MAN2B1: variants seen among roughly 807,000 people sequenced by gnomAD.
MAN2B1 encodes the protein lysosomal alpha-mannosidase.
Under a neutral mutation model 127.5 loss-of-function variants are expected in MAN2B1, and 99 were observed. The observed-to-expected ratio is 0.78, with a 90% CI of 0.66 to 0.92. The LOEUF is 0.92. Ranked by LOEUF, MAN2B1 falls within the 40% of genes least tolerant of loss-of-function variation. MAN2B1 has a pLI of 0.00. For missense variants in MAN2B1, 1,304 were observed against 1,384.8 expected (o/e 0.94, Z 0.93); for synonymous variants, 573 against 568.8 (o/e 1.01, Z -0.11).
Position 12,647,663 on chromosome 19 carries a change from G to T in MAN2B1, c.2665-65C>A, listed in dbSNP as rs939442511. 2 of 1,455,172 alleles carry T rather than the reference G, an allele frequency of 1.4e-6. No homozygotes were observed. The highest frequency in any genetic ancestry group is 1.9e-6 in the Non-Finnish European group (2 of 1,066,564). 90.1% of individuals were successfully genotyped at this position (1,455,172 alleles called of 1,614,324 possible). A position where few individuals can be genotyped will look rare whatever the true frequency, so the allele number is the denominator to read the frequency against. ...GGCCTGGATGGAGAAGGGCGGGGCC[G>T]AGCCAGGTCAGGAGGCAGGGCTAGG... On this transcript the variant is annotated intron_variant, in intron 21 of 23. Coordinates refer to ENST00000456935, the MANE Select transcript of MAN2B1 (RefSeq NM_000528.4). This position sits in a 1 kb window ranked among gnomAD's most constrained non-coding sequence, Gnocchi z 4.9.
chr19:12,660,773 T>G (rs2024083979), intron 7 of MAN2B1: 1 of 151,338 alleles, frequency 6.6e-6, no homozygotes, highest in African/African-American at 2.5e-5. Context: ...TTTTTTTTTT[T>G]TTTGAGACAG....
rs546914205 is a variant in MAN2B1, at chr19:12,647,713, G to A, written c.2665-115C>T. On this transcript the variant is annotated intron_variant, in intron 21 of 23. Coordinates refer to ENST00000456935, the MANE Select transcript of MAN2B1 (RefSeq NM_000528.4). This position sits in a 1 kb window ranked among gnomAD's most constrained non-coding sequence, Gnocchi z 4.9. The stretch of plus-strand genomic sequence containing the variant: ...GTTGTAGGGGCGGGGTTTCGCCGGA[G>A]AGGGGCAAGGCTCAGCCGAGAGGAG... The A allele has an allele frequency of 3.4e-3, 2,865 of 837,992 alleles. 8 individuals are homozygous for A. The highest frequency in any genetic ancestry group is 4.9e-3 in the Non-Finnish European group (2,627 of 541,474). The allele number at this position is 837,992 out of a possible 1,614,324, so 51.9% of individuals were successfully genotyped here.
Position 12,647,791 on chromosome 19 carries a change from C to G in MAN2B1, c.2665-193G>C. 1.6e-6 allele frequency: 1 copy of G among 610,422 alleles called. No homozygotes were observed. Among genetic ancestry groups the G allele is most frequent in the East Asian group, 2.7e-5 (1 of 36,386 alleles). The allele number at this position is 610,422 out of a possible 1,614,324, so 37.8% of individuals were successfully genotyped here. A position where few individuals can be genotyped will look rare whatever the true frequency, so the allele number is the denominator to read the frequency against. On this transcript the variant is annotated intron_variant, in intron 21 of 23. Coordinates refer to ENST00000456935, the MANE Select transcript of MAN2B1 (RefSeq NM_000528.4). The surrounding 1 kb of genome is among the most constrained non-coding windows in gnomAD (Gnocchi z 4.9). ...AGCCAATGGGGAGATGGGTCGGTCC[C>G]AAGCTTAGGGTTCGAGTCCCGATGG...
Position 12,656,941 on chromosome 19 carries a change from C to T in MAN2B1, c.1527+8G>A. 6.2e-7 allele frequency: 1 copy of T among 1,610,548 alleles called. No homozygotes were observed. Among genetic ancestry groups the T allele is most frequent in the African/African-American group, 1.3e-5 (1 of 75,008 alleles). The stretch of plus-strand genomic sequence containing the variant: ...TGCCCTAGATCCACCCCTCCCGTCC[C>T]GGCTCACGCGCGCCGCCGTCTGGCT... On this transcript the variant is annotated splice_region_variant and intron_variant, in intron 12 of 23. Coordinates refer to ENST00000456935, the MANE Select transcript of MAN2B1 (RefSeq NM_000528.4).
chr19:12,652,216 G>C lies in MAN2B1; in HGVS notation c.1983C>G (p.Ile661Met), dbSNP rs1353675022. The C allele has an allele frequency of 6.2e-7, 1 of 1,614,056 alleles. No homozygotes were observed. The highest frequency in any genetic ancestry group is 8.5e-7 in the Non-Finnish European group (1 of 1,180,042). The stretch of plus-strand genomic sequence containing the variant: ...GCGGTTTCTGTTGGTTGGGTCTGAA[G>C]ATGTAGGCACCTGAGGCCTGGTCAC... The part of the protein sequence containing the change: ...NESDQASGAY[I>M]FRPNQQKPLP... The change falls in exon 16 of 24, where the codon ATC becomes ATG. Residue 661 changes from isoleucine to methionine, a missense_variant. Physicochemically the swap from Ile to Met is conservative, Grantham distance 10. Coordinates refer to ENST00000456935, the MANE Select transcript of MAN2B1 (RefSeq NM_000528.4).
At position 12,658,322 on chromosome 19, in the gene MAN2B1, A is replaced by C; in HGVS notation, c.1132T>G (p.Phe378Val). 1 of 1,614,234 alleles carries C rather than the reference A, an allele frequency of 6.2e-7. No homozygotes were observed. The highest frequency in any genetic ancestry group is 8.5e-7 in the Non-Finnish European group (1 of 1,180,040). ...LTWSVKHDDF[F>V]PYADGPHQFW... The stretch of plus-strand genomic sequence containing the variant: ...TGGTGGGGGCCATCCGCGTAAGGGA[A>C]GAAGTCGTCATGTTTCACTGACCTA... Residue 378 changes from phenylalanine to valine, a missense_variant, in exon 9 of 24, where the codon TTC becomes GTC. By Grantham distance (50) the Phe-to-Val change is conservative. Transcript: ENST00000456935.
intron 11 of MAN2B1, 60 bp downstream of exon 11, chr19:12,657,386 G>A: frequency 7.0e-7 from 1 of 1,427,938 alleles, no homozygotes; most frequent in Non-Finnish European, 9.6e-7. Flanking sequence ...CCTTTCCCAG[G>A]CCCTGGCCCC....
Position 12,656,596 on chromosome 19 carries a change from G to C in MAN2B1, c.1619C>G (p.Pro540Arg). ...ATCGCTGGGCACTGTCCTGCCATTG[G>C]GGTCCTTCACAACGAAAACGCCTTC... ...VSEGVFVVKD[P>R]NGRTVPSDVV... The change falls in exon 13 of 24, where the codon CCC (proline) becomes CGC (arginine). Residue 540 changes from proline (P) to arginine (R), a missense_variant. By Grantham distance (103) the Pro-to-Arg change is moderately radical. Transcript: ENST00000456935. 1 of 1,613,688 alleles carries C rather than the reference G, an allele frequency of 6.2e-7. No homozygotes were observed. Among genetic ancestry groups the C allele is most frequent in the East Asian group, 2.2e-5 (1 of 44,868 alleles).
At chr19:12,648,909 C>T (rs1193529999) in intron 20 of MAN2B1, among the ~76,000 whole-genome samples, 1 of 152,186 alleles carries the variant, frequency 6.6e-6, no homozygotes, top group Non-Finnish European at 1.5e-5. Context: ...GCAGGACAAT[C>T]ACTTGAACCC....
rs2023695395 is a variant in MAN2B1 at position 12,646,685 on chromosome 19, T to C, written c.2971A>G (p.Thr991Ala). ...GTGCGGATTTCCATGGGTTCCAGCG[T>C]GATGTTGGCCGGGTCCAGCTGGTAC... ...TPYQLDPANI[T>A]LEPMEIRTFL... The change falls in exon 24 of 24, where the codon ACG becomes GCG. Residue 991 changes from threonine (T) to alanine (A), a missense_variant. Transcript: ENST00000456935. 2 of 1,613,898 alleles carry C rather than the reference T, an allele frequency of 1.2e-6. No homozygotes were observed. The highest frequency in any genetic ancestry group is 1.6e-4 in the Middle Eastern group (1 of 6,084).
chr19:12,647,278 G>C lies in MAN2B1; in HGVS notation c.2878C>G (p.Gln960Glu). The C allele has an allele frequency of 6.2e-7, 1 of 1,614,152 alleles. No homozygotes were observed. Among genetic ancestry groups the C allele is most frequent in the Non-Finnish European group, 8.5e-7 (1 of 1,180,024 alleles). The change falls in exon 23 of 24, where the codon CAG (glutamine) becomes GAG (glutamate). Residue 960 changes from glutamine (Q) to glutamate (E), a missense_variant. Gln to Glu is a conservative substitution (Grantham distance 29). Coordinates refer to ENST00000456935, the MANE Select transcript of MAN2B1 (RefSeq NM_000528.4). This position sits in a 1 kb window ranked among gnomAD's most constrained non-coding sequence, Gnocchi z 4.9. ...AGCCTGGAGGCTGCCTCGCGGAGCT[G>C]GTTGGCCACCAGCGTGGTCTCCTGC... ...RLQETTLVANQLREAASRLKW... is the reference protein window; with the variant it reads ...RLQETTLVANELREAASRLKW...
chr19:12,653,806 C>A (rs1411768155), intron 14 of MAN2B1, among the ~76,000 whole-genome samples: 1 of 151,894 alleles, frequency 6.6e-6, no homozygotes, highest in Non-Finnish European at 1.5e-5. Context: ...GCAACCTCCA[C>A]CTCCTGGGTT....
At chr19:12,663,590 T>C in intron 5 of MAN2B1, 113 bp downstream of exon 5, 1 of 1,542,766 alleles carries the variant, frequency 6.5e-7, no homozygotes, top group Non-Finnish European at 8.8e-7. Flanking sequence ...TGCAGGGCCT[T>C]TGTTCCCAGA....
At chr19:12,652,613 C>T (rs547513831) in intron 14 of MAN2B1, among the ~76,000 whole-genome samples, 153 bp from the exon 15 acceptor site, 4 of 151,174 alleles carry the variant, frequency 2.6e-5, no homozygotes, top group Non-Finnish European at 4.4e-5. Context: ...CTCACTGCAC[C>T]CCCCACCTCC....
In MAN2B1 at chr19:12,647,187, C is replaced by G. The variant is rs1220097391; in HGVS notation, c.2923+46G>C. 1 of 1,530,932 alleles carries G rather than the reference C, an allele frequency of 6.5e-7. No individual in the cohort carries two copies. Among genetic ancestry groups the G allele is most frequent in the Non-Finnish European group, 9.1e-7 (1 of 1,104,534 alleles). The allele number at this position is 1,530,932 out of a possible 1,614,324, so 94.8% of individuals were successfully genotyped here. Reference sequence around the variant, plus strand: ...TCACACATTGCCCCCACCTGCCGGCCCCAGGTAAGACTCCACCCCTTCCCT... The same window carrying G: ...TCACACATTGCCCCCACCTGCCGGCGCCAGGTAAGACTCCACCCCTTCCCT... On this transcript the variant is annotated intron_variant, in intron 23 of 23. Transcript: ENST00000456935. The surrounding 1 kb of genome is among the most constrained non-coding windows in gnomAD (Gnocchi z 4.9).
In MAN2B1 at chr19:12,647,754, C is replaced by T; in HGVS notation, c.2665-156G>A. ...CCGAGAGGAGCGGCCAGGGCCGTGACAGGGAGGACTGAGCCAATGGGGAGA... is the reference window on the plus strand; with the variant it reads ...CCGAGAGGAGCGGCCAGGGCCGTGATAGGGAGGACTGAGCCAATGGGGAGA... On this transcript the variant is annotated intron_variant, in intron 21 of 23. Coordinates refer to ENST00000456935, the MANE Select transcript of MAN2B1 (RefSeq NM_000528.4). The surrounding 1 kb of genome is among the most constrained non-coding windows in gnomAD (Gnocchi z 4.9). 1 of 653,326 alleles carries T rather than the reference C, an allele frequency of 1.5e-6. No individual in the cohort carries two copies. The highest frequency in any genetic ancestry group is 2.6e-6 in the Non-Finnish European group (1 of 383,696). The allele number at this position is 653,326 out of a possible 1,614,324, so 40.5% of individuals were successfully genotyped here.
intron 10 of MAN2B1, 64 bp downstream of exon 10, chr19:12,657,999 G>C: frequency 8.0e-7 from 1 of 1,257,678 alleles, no homozygotes; most frequent in Non-Finnish European, 1.2e-6. Flanking sequence ...CTCGAGGGGG[G>C]CGGCCTAGGG....
intron 14 of MAN2B1, among the ~76,000 whole-genome samples, chr19:12,654,513 C>T (rs902251915): frequency 5.9e-5 from 9 of 152,292 alleles, no homozygotes; most frequent in African/African-American, 7.2e-5. Flanking sequence ...TCCTCTGCTG[C>T]GGACCAGGGC....
rs544632771 is a variant in MAN2B1, at chr19:12,649,827, C to T, written c.2267+86G>A. 3.2e-4 allele frequency: 377 copies of T among 1,168,812 alleles called. 1 individual carries two copies. Among genetic ancestry groups the T allele is most frequent in the Admixed American group, 4.1e-4 (24 of 58,954 alleles). 72.4% of individuals were successfully genotyped at this position (1,168,812 alleles called of 1,614,324 possible). On this transcript the variant is annotated intron_variant, in intron 18 of 23. Transcript: ENST00000456935. ...CTCCCTTCGTCCTCTGTCTCCCACA[C>T]TCATGTAATCAGCAAATTTCCCTCA...
Sources: allele counts gnomAD v4.1 joint callset (sites outside exome capture counted in the v4.1 genomes callset), GRCh38; gene constraint gnomAD v4.1.1; non-coding constraint Gnocchi (gnomAD v3.1); transcripts MANE v1.5; gene names NCBI Gene and HGNC (gene_info 2026-07-23, HGNC 2026-07-21).